The following ATP10A variants were observed in gnomAD, a reference collection of about 807,000 sequenced individuals.
ATP10A encodes phospholipid-transporting ATPase VA.
Under a neutral mutation model 147.8 loss-of-function variants are expected in ATP10A, and 111 were observed. The ratio of observed to expected loss-of-function variants is 0.75; its 90% CI spans 0.64 to 0.88. The LOEUF is 0.88. ATP10A is among the 40% of genes least tolerant of loss of function. The probability of loss-of-function intolerance (pLI) is 0.00; values close to 1 mark genes in which losing one functional copy is unlikely to be tolerated. For synonymous variants in ATP10A, 875 were observed against 841.6 expected, an observed-to-expected ratio of 1.04 and a Z score of -0.69; for missense variants, 1,927 against 1,959.0, an observed-to-expected ratio of 0.98 and a Z score of 0.31.
chr15:25,849,082 A>G (rs1422795694), intron 1 of ATP10A, among the ~76,000 whole-genome samples: 1 of 151,968 alleles, frequency 6.6e-6, no homozygotes, highest in Non-Finnish European at 1.5e-5. Flanking sequence ...CTTCCATGGG[A>G]AAGAACAGGA....
chr15:25,694,061 TCCTGGC>T (rs1424895241), intron 14 of ATP10A, among the ~76,000 whole-genome samples: 1 of 151,910 alleles, frequency 6.6e-6, no homozygotes, highest in East Asian at 1.9e-4. Flanking sequence ...ACTGCTTCCT[TCCTGGC>T]CCTCACCAGG....
In ATP10A at chr15:25,713,702, G is replaced by T. The variant is rs1244645178; in HGVS notation, c.2316C>A (p.Val772=). The part of the protein sequence containing the change: ...NVYTKGADSV[V]MDLLQPCSSV... ...AAGAGCAGGGCTGCAGGAGATCCAT[G>T]ACCACTGAGTCGGCCCCCTTGGTGT... Residue 772 remains valine, a synonymous_variant, in exon 10 of 21, where the codon GTC becomes GTA. Coordinates refer to ENST00000555815, the MANE Select transcript of ATP10A (RefSeq NM_024490.4). The T allele has an allele frequency of 1.2e-6, 2 of 1,614,036 alleles. No individual in the cohort carries two copies. Among genetic ancestry groups the T allele is most frequent in the Non-Finnish European group, 1.7e-6 (2 of 1,179,998 alleles).
intron 3 of ATP10A, among the ~76,000 whole-genome samples, chr15:25,735,788 G>A (rs540656325): frequency 6.6e-6 from 1 of 152,162 alleles, no homozygotes; most frequent in South Asian, 2.1e-4. Flanking sequence ...ACCTACCCGG[G>A]GCCTGCTAGC....
chr15:25,692,842 C>T (rs958758362), intron 14 of ATP10A, among the ~76,000 whole-genome samples: 2 of 152,104 alleles, frequency 1.3e-5, no homozygotes, highest in Admixed American at 1.3e-4. Flanking sequence ...GTCACCCAGG[C>T]TAGGTGGGAG....
chr15:25,751,739 T>C (rs150596521), intron 2 of ATP10A, among the ~76,000 whole-genome samples: 17 of 152,280 alleles, frequency 1.1e-4, no homozygotes, highest in African/African-American at 3.6e-4. Context: ...GCAAGCCATA[T>C]ATCCATTATT....
At chr15:25,784,734 C>T (rs553794138) in intron 1 of ATP10A, among the ~76,000 whole-genome samples, 1 of 152,138 alleles carries the variant, frequency 6.6e-6, no homozygotes, top group South Asian at 2.1e-4. Flanking sequence ...ACCAGCCTGA[C>T]CAACATGAAG....
chr15:25,792,089 C>T (rs1341898392), intron 1 of ATP10A, among the ~76,000 whole-genome samples: 1 of 152,244 alleles, frequency 6.6e-6, no homozygotes, highest in Non-Finnish European at 1.5e-5. Context: ...TTCTTCCAGA[C>T]AGCCAATTGT....
chr15:25,721,532 A>G, intron 7 of ATP10A, 125 bp downstream of exon 7: 2 of 1,282,340 alleles, frequency 1.6e-6, no homozygotes, highest in Non-Finnish European at 1.1e-6. Flanking sequence ...GAAAATCAGT[A>G]ATCCCTGAAG....
chr15:25,690,527 A>G (rs965204525), intron 15 of ATP10A, among the ~76,000 whole-genome samples: 1 of 152,202 alleles, frequency 6.6e-6, no homozygotes, highest in Admixed American at 6.5e-5. Flanking sequence ...GGTGTGAACC[A>G]CCATGCCTGG....
intron 1 of ATP10A, among the ~76,000 whole-genome samples, chr15:25,842,959 T>C (rs1596987870): frequency 6.6e-6 from 1 of 152,230 alleles, no homozygotes; most frequent in South Asian, 2.1e-4. Context: ...CCTCAAGCAA[T>C]CCTCCTATCT....
At chr15:25,690,401 G>T (rs748684370) in intron 15 of ATP10A, among the ~76,000 whole-genome samples, 1 of 152,122 alleles carries the variant, frequency 6.6e-6, no homozygotes, top group Non-Finnish European at 1.5e-5. Flanking sequence ...GGGCCACCAC[G>T]CTGGGGTTTT....
chr15:25,749,961 G>C (rs1280528530), intron 2 of ATP10A, among the ~76,000 whole-genome samples: 1 of 152,036 alleles, frequency 6.6e-6, no homozygotes, highest in Non-Finnish European at 1.5e-5. Context: ...CAAAAGAGAG[G>C]ATTGGTAAGT....
At chr15:25,849,371 C>T (rs1233814628) in intron 1 of ATP10A, among the ~76,000 whole-genome samples, 3 of 152,138 alleles carry the variant, frequency 2.0e-5, no homozygotes, top group Non-Finnish European at 4.4e-5. Context: ...GTCAAAGCAC[C>T]AGACAAGAGA....
At chr15:25,853,793 A>G (rs1331975522) in intron 1 of ATP10A, among the ~76,000 whole-genome samples, 1 of 152,194 alleles carries the variant, frequency 6.6e-6, no homozygotes, top group Non-Finnish European at 1.5e-5. Flanking sequence ...GAAGAACTGC[A>G]TTAAAAATGG....
At chr15:25,844,324 G>A (rs1433167082) in intron 1 of ATP10A, among the ~76,000 whole-genome samples, 1 of 152,114 alleles carries the variant, frequency 6.6e-6, no homozygotes, top group Non-Finnish European at 1.5e-5. Flanking sequence ...CGAAAGGGAG[G>A]ACTCATAAAC....
At chr15:25,721,585 T>C (rs1215315536) in intron 7 of ATP10A, 72 bp downstream of exon 7, 1 of 1,425,818 alleles carries the variant, frequency 7.0e-7, no homozygotes, top group African/African-American at 1.4e-5. Context: ...TGTGTGTGTG[T>C]CTCCAAACAA....
At chr15:25,824,724 G>C (rs1265452428) in intron 1 of ATP10A, among the ~76,000 whole-genome samples, 1 of 107,538 alleles carries the variant, frequency 9.3e-6, no homozygotes, top group Non-Finnish European at 2.3e-5. Flanking sequence ...TCAGGTCTCT[G>C]AAAATTAATC....
chr15:25,829,956 A>G (rs767754228), intron 1 of ATP10A, among the ~76,000 whole-genome samples: 2 of 152,140 alleles, frequency 1.3e-5, no homozygotes, highest in East Asian at 3.9e-4. Flanking sequence ...CACTTTGGCC[A>G]TTGGGTGGAG....
At chr15:25,703,925 C>T (rs1567314342) in intron 12 of ATP10A, among the ~76,000 whole-genome samples, 1 of 152,230 alleles carries the variant, frequency 6.6e-6, no homozygotes, top group Non-Finnish European at 1.5e-5. Context: ...GCACACTGCT[C>T]TGAACCTTAT....
Sources: gnomAD v4.1 joint callset for allele counts (sites outside exome capture counted in the v4.1 genomes callset) on GRCh38, gnomAD v4.1.1 for gene constraint, MANE v1.5 for transcripts, NCBI Gene and HGNC (gene_info 2026-07-23, HGNC 2026-07-21) for gene names.